The following WDR26 variants were observed in gnomAD, a reference collection of about 807,000 sequenced individuals.
WDR26 encodes the protein WD repeat-containing protein 26.
In WDR26, 5 loss-of-function variants were observed where a neutral mutation model predicts 84.1. That is an observed-to-expected ratio of 0.06 (90% CI 0.03 to 0.13). WDR26 has a LOEUF of 0.13. Among genes scored for constraint, WDR26 ranks in the 10% least tolerant of loss-of-function variants. The probability of loss-of-function intolerance (pLI) is 1.00; values close to 1 mark genes in which losing one functional copy is unlikely to be tolerated. For missense variants in WDR26, 642 were observed against 974.9 expected (o/e 0.66, Z 4.55); for synonymous variants, 415 against 389.6 (o/e 1.07, Z -0.77).
At chr1:224,431,893 T>A in intron 1 of WDR26, 112 bp from the exon 2 acceptor site, 1 of 807,256 alleles carries the variant, frequency 1.2e-6, no homozygotes, top group Non-Finnish European at 1.8e-6. Flanking sequence ...AGCCTCATGA[T>A]GAAGAAAAAA....
At chr1:224,412,797 A>C (rs1346944742) in intron 6 of WDR26, 1 of 152,220 alleles carries the variant, frequency 6.6e-6, no homozygotes, top group Non-Finnish European at 1.5e-5. Context: ...ATTTAATTTG[A>C]ATTATTTTAC....
intron 13 of WDR26, among the ~76,000 whole-genome samples, chr1:224,392,108 TC>T (rs930551625): frequency 6.0e-4 from 91 of 152,222 alleles, no homozygotes; most frequent in African/African-American, 2.1e-3. Flanking sequence ...ATGCCTGTAA[TC>T]CCAGCACTTT....
Position 224,415,606 on chromosome 1 carries a change from G to A in WDR26, c.1319+2654C>T, listed in dbSNP as rs148084930. ...CTCCTGAGTAGCTGGGACTACAGGCGTGTGCCGCCATGCCCGGCTATTTTT... is the reference window on the plus strand; with the variant it reads ...CTCCTGAGTAGCTGGGACTACAGGCATGTGCCGCCATGCCCGGCTATTTTT... On this transcript the variant is annotated intron_variant, in intron 6 of 13. Coordinates refer to ENST00000414423, the MANE Select transcript of WDR26 (RefSeq NM_001379403.1). Among the ~76,000 whole-genome samples, 9 of 152,122 alleles carry A rather than the reference G, an allele frequency of 5.9e-5. No individual in the cohort carries two copies. The East Asian group carries it at 1.2e-3, about 20-fold the overall frequency.
At chr1:224,425,870 T>G (rs892087008) in intron 3 of WDR26, among the ~76,000 whole-genome samples, 3 of 152,192 alleles carry the variant, frequency 2.0e-5, no homozygotes, top group Non-Finnish European at 4.4e-5. Context: ...TTTTCTTCTT[T>G]TTTTTTTGAG....
intron 12 of WDR26, among the ~76,000 whole-genome samples, chr1:224,396,074 A>C (rs763344861): frequency 6.6e-6 from 1 of 152,204 alleles, no homozygotes; most frequent in Non-Finnish European, 1.5e-5. Flanking sequence ...GGGAGATAAT[A>C]TACTCGCTAT....
chr1:224,407,485 GCATA>G (rs887480922), intron 7 of WDR26, among the ~76,000 whole-genome samples: 3 of 125,542 alleles, frequency 2.4e-5, no homozygotes, highest in African/African-American at 7.4e-5. Context: ...TTCAAAAAGG[GCATA>G]TATATATATA....
chr1:224,398,804 A>G, intron 10 of WDR26, 85 bp downstream of exon 10: 1 of 1,551,312 alleles, frequency 6.4e-7, no homozygotes, highest in African/African-American at 1.4e-5. Flanking sequence ...AACGAAAAAC[A>G]TAAAAACTGT....
At chr1:224,401,095 A>G in intron 8 of WDR26, 26 bp from the exon 9 acceptor site, 1 of 1,602,506 alleles carries the variant, frequency 6.2e-7, no homozygotes, top group Admixed American at 1.7e-5. Flanking sequence ...ACTGTAAATG[A>G]GACCTTCAAG....
chr1:224,392,378 C>T (rs899463591), intron 13 of WDR26, among the ~76,000 whole-genome samples: 1 of 151,076 alleles, frequency 6.6e-6, no homozygotes, highest in African/African-American at 2.4e-5. Flanking sequence ...GAAAAGAAAA[C>T]ATATCCTCTT....
intron 6 of WDR26, among the ~76,000 whole-genome samples, chr1:224,415,286 T>C (rs1673860652): frequency 6.6e-6 from 1 of 152,032 alleles, no homozygotes; most frequent in African/African-American, 2.4e-5. Flanking sequence ...GGAAGTTCTG[T>C]TTCGGACATG....
chr1:224,427,116 A>T, intron 3 of WDR26, among the ~76,000 whole-genome samples: 1 of 151,234 alleles, frequency 6.6e-6, no homozygotes, highest in Non-Finnish European at 1.5e-5. Flanking sequence ...AAAAAAAAAA[A>T]AAAAAAAAAA....
rs1194991007 is a variant in WDR26 at position 224,385,800 on chromosome 1, T to C, written c.*4035A>G. The C allele has an allele frequency of 2.6e-5, 4 of 152,582 alleles. No homozygotes were observed. The highest frequency in any genetic ancestry group is 9.7e-5 in the African/African-American group (4 of 41,440). The allele number at this position is 152,582 out of a possible 1,614,324, so 9.5% of individuals were successfully genotyped here. A position where few individuals can be genotyped will look rare whatever the true frequency, so the allele number is the denominator to read the frequency against. On this transcript the variant is annotated 3_prime_UTR_variant, in exon 14 of 14. Transcript: ENST00000414423. The stretch of plus-strand genomic sequence containing the variant: ...ACATTGACCCTGATAATGAAAATGT[T>C]TAAGTTAAAGATGGGGACACAATTT...
At chr1:224,408,124 C>T (rs1483042199) in intron 7 of WDR26, among the ~76,000 whole-genome samples, 3 of 152,214 alleles carry the variant, frequency 2.0e-5, no homozygotes, top group African/African-American at 7.2e-5. Context: ...AAAGCTCCTC[C>T]TTGATCTGGC....
intron 1 of WDR26, among the ~76,000 whole-genome samples, chr1:224,433,118 T>C (rs1674448593): frequency 1.3e-5 from 2 of 152,176 alleles, no homozygotes; most frequent in Non-Finnish European, 2.9e-5. Context: ...TCAGATTTAT[T>C]CAACAACCTC....
chr1:224,403,610 T>C (rs1232673767), intron 8 of WDR26, among the ~76,000 whole-genome samples: 1 of 152,174 alleles, frequency 6.6e-6, no homozygotes, highest in East Asian at 1.9e-4. Context: ...TTTCCTAAAA[T>C]GGGACCCTGC....
intron 7 of WDR26, 92 bp downstream of exon 7, chr1:224,411,332 CTAT>C (rs952664866): frequency 5.3e-6 from 7 of 1,318,400 alleles, no homozygotes; most frequent in Non-Finnish European, 2.0e-6. Flanking sequence ...GAAAAGAATA[CTAT>C]TGATACATAT....
At chr1:224,416,047 TAGTA>T (rs1386132948) in intron 6 of WDR26, among the ~76,000 whole-genome samples, 3 of 152,176 alleles carry the variant, frequency 2.0e-5, no homozygotes, top group Middle Eastern at 3.4e-3. Flanking sequence ...TGCGAATGTG[TAGTA>T]GGCAATGATT....
intron 12 of WDR26, 134 bp from the exon 13 acceptor site, chr1:224,394,147 A>C: frequency 1.6e-6 from 1 of 618,400 alleles, no homozygotes; most frequent in Non-Finnish European, 2.4e-6. Flanking sequence ...GAATAGTTTA[A>C]CATGTTACCT....
intron 12 of WDR26, among the ~76,000 whole-genome samples, chr1:224,397,335 G>A (rs138177059): frequency 1.4e-4 from 21 of 152,302 alleles, no homozygotes; most frequent in Admixed American, 7.8e-4. Flanking sequence ...ACCTAGAAAT[G>A]TACAGTGGGT....
Sources: gnomAD v4.1 joint callset for allele counts (sites outside exome capture counted in the v4.1 genomes callset) on GRCh38, gnomAD v4.1.1 for gene constraint, MANE v1.5 for transcripts, NCBI Gene and HGNC (gene_info 2026-07-23, HGNC 2026-07-21) for gene names.